ARK2N: variants seen among roughly 807,000 people sequenced by gnomAD.
The protein encoded by ARK2N is protein ARK2N.
chr18:46,255,573 C>T, the ARK2N span, among the ~76,000 whole-genome samples: 1 of 150,858 alleles, frequency 6.6e-6, no homozygotes, highest in Admixed American at 6.6e-5. Context: ...TGTCTCAGGC[C>T]CCTGAGTAGC....
chr18:46,182,014 C>T, the ARK2N span, among the ~76,000 whole-genome samples: 1 of 152,092 alleles, frequency 6.6e-6, no homozygotes, highest in Non-Finnish European at 1.5e-5. Flanking sequence ...AAAAAAATGA[C>T]CTTTACAATA....
At chr18:46,191,348 A>AT in the ARK2N span, among the ~76,000 whole-genome samples, 153 of 151,450 alleles carry the variant, frequency 1.0e-3, 1 homozygote, top group Middle Eastern at 6.8e-3. Context: ...TTGTTTATTT[A>AT]ATTTTTTTTT....
chr18:46,194,232 G>A, the ARK2N span, among the ~76,000 whole-genome samples: 1 of 152,084 alleles, frequency 6.6e-6, no homozygotes, highest in African/African-American at 2.4e-5. Context: ...GATTACAGGT[G>A]TCCACCACCA....
At chr18:46,259,836 A>G in the ARK2N span, among the ~76,000 whole-genome samples, 1 of 143,118 alleles carries the variant, frequency 7.0e-6, no homozygotes, top group Non-Finnish European at 1.5e-5. Context: ...GGGTTTCACC[A>G]TGGTGCCCAG....
chr18:46,224,684 G>C, the ARK2N span, among the ~76,000 whole-genome samples: 1 of 152,320 alleles, frequency 6.6e-6, no homozygotes, highest in Non-Finnish European at 1.5e-5. Context: ...TATTCAGTCT[G>C]TGTAGTAACA....
the ARK2N span, among the ~76,000 whole-genome samples, chr18:46,262,029 A>C: frequency 1.4e-4 from 21 of 152,192 alleles, no homozygotes; most frequent in Admixed American, 1.3e-3. Flanking sequence ...GACTAGACTC[A>C]TGCCACTTGT....
the ARK2N span, among the ~76,000 whole-genome samples, chr18:46,230,071 G>A: frequency 0.026 from 3,913 of 152,094 alleles, 73 homozygotes; most frequent in Non-Finnish European, 0.039. Flanking sequence ...GATTACAGGT[G>A]CCCACAACTG....
chr18:46,197,649 G>C, the ARK2N span, among the ~76,000 whole-genome samples: 4 of 152,168 alleles, frequency 2.6e-5, no homozygotes, highest in South Asian at 8.3e-4. Flanking sequence ...CTGAAGACCT[G>C]TGAACCACAG....
the ARK2N span, chr18:46,253,678 T>TC: frequency 6.2e-7 from 1 of 1,603,262 alleles, no homozygotes; most frequent in Non-Finnish European, 8.5e-7. Context: ...TTGTTTTTTT[T>TC]CCTCCCCTTC....
At chr18:46,186,484 G>A in the ARK2N span, among the ~76,000 whole-genome samples, 8 of 143,862 alleles carry the variant, frequency 5.6e-5, no homozygotes, top group East Asian at 2.1e-4. Context: ...GTGAGCCACC[G>A]CACCCAACTG....
At chr18:46,232,871 T>G in the ARK2N span, 1 of 152,218 alleles carries the variant, frequency 6.6e-6, no homozygotes, top group African/African-American at 2.4e-5. Flanking sequence ...TGCATTTTCT[T>G]AATATCCTTT....
the ARK2N span, among the ~76,000 whole-genome samples, chr18:46,215,468 TA>T: frequency 6.6e-6 from 1 of 152,254 alleles, no homozygotes; most frequent in African/African-American, 2.4e-5. Flanking sequence ...CTTTTTCATT[TA>T]TATCAAAGTC....
the ARK2N span, among the ~76,000 whole-genome samples, chr18:46,259,287 A>G: frequency 7.1e-6 from 1 of 140,022 alleles, no homozygotes; most frequent in African/African-American, 2.8e-5. Flanking sequence ...TCTGTCACCC[A>G]GGCTGGAGTG....
the ARK2N span, among the ~76,000 whole-genome samples, chr18:46,245,019 C>T: frequency 6.6e-6 from 1 of 151,888 alleles, no homozygotes; most frequent in African/African-American, 2.4e-5. Context: ...CAGCATCTGC[C>T]TCCTCGTTCA....
chr18:46,202,072 C>G, the ARK2N span, among the ~76,000 whole-genome samples: 2 of 152,118 alleles, frequency 1.3e-5, no homozygotes, highest in African/African-American at 4.8e-5. Flanking sequence ...GCCACCATGC[C>G]TGGCCTAGAT....
chr18:46,237,537 G>A, the ARK2N span, among the ~76,000 whole-genome samples: 11 of 151,918 alleles, frequency 7.2e-5, no homozygotes, highest in African/African-American at 1.7e-4. Context: ...ACAGGTGTGC[G>A]CCACCACACT....
the ARK2N span, among the ~76,000 whole-genome samples, chr18:46,244,867 C>T: frequency 1.3e-5 from 2 of 151,948 alleles, no homozygotes; most frequent in Non-Finnish European, 2.9e-5. Context: ...TCCCGAAGTG[C>T]TAAGATTACA....
the ARK2N span, among the ~76,000 whole-genome samples, chr18:46,254,841 A>T: frequency 6.6e-6 from 1 of 152,132 alleles, no homozygotes; most frequent in Non-Finnish European, 1.5e-5. Context: ...CCTTTCAGCG[A>T]TATTCTTCTG....
chr18:46,247,207 C>CA, the ARK2N span, among the ~76,000 whole-genome samples: 1 of 151,448 alleles, frequency 6.6e-6, no homozygotes, highest in African/African-American at 2.4e-5. Context: ...ATAAAATTAA[C>CA]AAAAGTAGCA....
Sources: allele counts gnomAD v4.1 joint callset (sites outside exome capture counted in the v4.1 genomes callset), GRCh38; gene constraint gnomAD v4.1.1; transcripts MANE v1.5; gene names NCBI Gene and HGNC (gene_info 2026-07-23, HGNC 2026-07-21).